The following MOB3B variants were observed in gnomAD, a reference collection of about 807,000 sequenced individuals.
The protein encoded by MOB3B is MOB kinase activator 3B, also known as MOB kinase activator-like 2B.
Under a neutral mutation model 18.7 loss-of-function variants are expected in MOB3B, and 7 were observed. The ratio of observed to expected loss-of-function variants is 0.37; its 90% confidence interval spans 0.21 to 0.70. The LOEUF is 0.70. Ranked by LOEUF, MOB3B falls within the 30% of genes least tolerant of loss-of-function variation. The pLI is 0.52. For synonymous variants in MOB3B, 111 were observed against 99.9 expected (o/e 1.11, Z -0.66); for missense variants, 253 against 281.3 (o/e 0.90, Z 0.72).
chr9:27,451,087 G>A (rs1004879399), intron 2 of MOB3B, among the ~76,000 whole-genome samples: 6 of 152,094 alleles, frequency 3.9e-5, no homozygotes, highest in Non-Finnish European at 7.4e-5. Flanking sequence ...GGACCTCTAA[G>A]TTTGCTACTG....
chr9:27,382,214 A>T (rs1206449198), intron 2 of MOB3B, among the ~76,000 whole-genome samples: 1 of 152,190 alleles, frequency 6.6e-6, no homozygotes, highest in Non-Finnish European at 1.5e-5. Context: ...GTACTAGGTC[A>T]ATTCCTCGAC....
At chr9:27,395,377 C>T (rs1821784059) in intron 2 of MOB3B, among the ~76,000 whole-genome samples, 1 of 151,878 alleles carries the variant, frequency 6.6e-6, no homozygotes, top group East Asian at 1.9e-4. Context: ...ACGATGTAAA[C>T]ATATATCAAA....
chr9:27,459,309 G>A (rs951453986), intron 1 of MOB3B, among the ~76,000 whole-genome samples: 1 of 152,140 alleles, frequency 6.6e-6, no homozygotes. Context: ...TAAAATGCAG[G>A]TTCTGATTAG....
intron 2 of MOB3B, among the ~76,000 whole-genome samples, chr9:27,439,033 C>A (rs183306200): frequency 2.8e-4 from 42 of 152,218 alleles, no homozygotes; most frequent in Admixed American, 1.0e-3. Context: ...AGCTCCTTTG[C>A]AGAAATATGG....
intron 3 of MOB3B, 75 bp downstream of exon 3, chr9:27,358,959 G>T: frequency 2.1e-6 from 3 of 1,430,098 alleles, no homozygotes; most frequent in Non-Finnish European, 3.0e-6. Flanking sequence ...ATTTTCCAGG[G>T]ATTGACAATG....
intron 1 of MOB3B, among the ~76,000 whole-genome samples, chr9:27,485,727 T>C (rs570692885): frequency 1.3e-5 from 2 of 152,320 alleles, no homozygotes; most frequent in South Asian, 4.1e-4. Flanking sequence ...TGATATCAAT[T>C]TTTCCCCCTT....
At chr9:27,361,928 CAG>C (rs1821280223) in intron 2 of MOB3B, among the ~76,000 whole-genome samples, 1 of 152,230 alleles carries the variant, frequency 6.6e-6, no homozygotes, top group Non-Finnish European at 1.5e-5. Context: ...CTGGGGGACA[CAG>C]GGACTTTCAG....
At chr9:27,407,685 C>T (rs1208741343) in intron 2 of MOB3B, among the ~76,000 whole-genome samples, 1 of 152,148 alleles carries the variant, frequency 6.6e-6, no homozygotes, top group African/African-American at 2.4e-5. Flanking sequence ...GGAAACTGGT[C>T]ATTCTTATCT....
intron 2 of MOB3B, among the ~76,000 whole-genome samples, chr9:27,446,719 G>A (rs985528141): frequency 5.9e-5 from 9 of 152,148 alleles, no homozygotes; most frequent in South Asian, 2.1e-4. Flanking sequence ...GGCTTCACAC[G>A]TAGCATGTTA....
At chr9:27,423,566 A>G (rs79942846) in intron 2 of MOB3B, among the ~76,000 whole-genome samples, 1 of 152,310 alleles carries the variant, frequency 6.6e-6, no homozygotes, top group Non-Finnish European at 1.5e-5. Context: ...AAAAAAAATC[A>G]ATAAAGTTGG....
chr9:27,333,402 A>G (rs1046238471), intron 3 of MOB3B, among the ~76,000 whole-genome samples: 14 of 152,118 alleles, frequency 9.2e-5, no homozygotes, highest in Non-Finnish European at 8.8e-5. Flanking sequence ...GCTAGGTTCC[A>G]TCGCTTTCTT....
At chr9:27,525,063 TCCTC>T (rs1820414245) in intron 1 of MOB3B, 2 of 1,016,860 alleles carry the variant, frequency 2.0e-6, no homozygotes, top group Admixed American at 2.9e-5. Context: ...TGTAAGCCTG[TCCTC>T]AGTTGGACTG....
chr9:27,368,922 T>C (rs551018247), intron 2 of MOB3B, among the ~76,000 whole-genome samples: 5 of 152,308 alleles, frequency 3.3e-5, no homozygotes, highest in Admixed American at 2.0e-4. Context: ...CCCAGATGGC[T>C]GCCTTTGTCC....
intron 2 of MOB3B, among the ~76,000 whole-genome samples, chr9:27,398,260 C>A (rs956233705): frequency 2.0e-5 from 3 of 152,204 alleles, no homozygotes; most frequent in African/African-American, 7.2e-5. Flanking sequence ...GCAGAAGGAT[C>A]GTCATCTCAC....
intron 2 of MOB3B, among the ~76,000 whole-genome samples, chr9:27,370,472 C>T (rs1821400257): frequency 6.8e-6 from 1 of 147,634 alleles, no homozygotes; most frequent in Non-Finnish European, 1.5e-5. Flanking sequence ...TGTACCATTG[C>T]ACTCCAGACT....
chr9:27,461,602 C>A (rs915074189), intron 1 of MOB3B, among the ~76,000 whole-genome samples: 5 of 152,318 alleles, frequency 3.3e-5, no homozygotes, highest in Non-Finnish European at 5.9e-5. Context: ...ATAGGTGTAA[C>A]CGTACAGAAG....
At chr9:27,369,126 C>T (rs1821380299) in intron 2 of MOB3B, among the ~76,000 whole-genome samples, 1 of 152,160 alleles carries the variant, frequency 6.6e-6, no homozygotes, top group Admixed American at 6.6e-5. Context: ...TAATGAACTT[C>T]ATTGGTTCTG....
intron 1 of MOB3B, among the ~76,000 whole-genome samples, chr9:27,491,355 T>A (rs10435734): frequency 0.13 from 19,369 of 152,190 alleles, 1,429 homozygotes; most frequent in East Asian, 0.34. Flanking sequence ...CCACAGATGA[T>A]GGGAGGCTTT....
chr9:27,361,197 T>A (rs1377047039), intron 2 of MOB3B, among the ~76,000 whole-genome samples: 1 of 152,164 alleles, frequency 6.6e-6, no homozygotes, highest in African/African-American at 2.4e-5. Flanking sequence ...CATAGATAAA[T>A]AGCACTGAAG....
Sources: allele counts gnomAD v4.1 joint callset (sites outside exome capture counted in the v4.1 genomes callset), GRCh38; gene constraint gnomAD v4.1.1; transcripts MANE v1.5; gene names NCBI Gene and HGNC (gene_info 2026-07-23, HGNC 2026-07-21).